ARMH1: variants seen among roughly 807,000 people sequenced by gnomAD.
The protein encoded by ARMH1 is armadillo like helical domain containing 1.
A neutral mutation model predicts 50.2 loss-of-function variants in ARMH1; 34 were observed. The ratio of observed to expected loss-of-function variants is 0.68; its 90% confidence interval spans 0.51 to 0.90. The LOEUF is 0.90. ARMH1 is among the 40% of genes least tolerant of loss of function. The pLI is 0.00. For missense variants in ARMH1, 538 were observed against 553.9 expected (o/e 0.97, Z 0.29); for synonymous variants, 221 against 224.2 (o/e 0.99, Z 0.13).
intron 1 of ARMH1, among the ~76,000 whole-genome samples, chr1:44,675,348 T>C (rs901400209): frequency 6.6e-6 from 1 of 152,130 alleles, no homozygotes; most frequent in Non-Finnish European, 1.5e-5. Flanking sequence ...GAAAGACTTT[T>C]AGAGATAGGG....
At chr1:44,691,395 C>T (rs796816920) in intron 2 of ARMH1, among the ~76,000 whole-genome samples, 25 of 152,156 alleles carry the variant, frequency 1.6e-4, no homozygotes, top group African/African-American at 6.0e-4. Context: ...CTAAGGTTAC[C>T]CATGTTTTTC....
At position 44,724,442 on chromosome 1, in the gene ARMH1, T is replaced by C. The variant is rs1334294667; in HGVS notation, c.920+50T>C. 3.3e-6 allele frequency: 5 copies of C among 1,536,674 alleles called. No individual in the cohort carries two copies. The highest frequency in any genetic ancestry group is 4.4e-6 in the Non-Finnish European group (5 of 1,142,082). On this transcript the variant is annotated intron_variant, in intron 8 of 11. Transcript: ENST00000535358. This position sits in a 1 kb window ranked among gnomAD's most constrained non-coding sequence, Gnocchi z 6.4. ...AGCTGCAGCAAGCCTGGCTTGGCGC[T>C]GCCGGCGGGCCCCGGGAGCGCTCCG...
intron 2 of ARMH1, among the ~76,000 whole-genome samples, chr1:44,692,218 G>A (rs1208224990): frequency 6.6e-6 from 1 of 152,096 alleles, no homozygotes; most frequent in Admixed American, 6.5e-5. Context: ...TCACACCGCT[G>A]TGTTCTATCC....
intron 4 of ARMH1, among the ~76,000 whole-genome samples, chr1:44,699,841 T>C (rs1645982274): frequency 6.7e-6 from 1 of 148,408 alleles, no homozygotes; most frequent in Non-Finnish European, 1.5e-5. Context: ...TATTTTTTTT[T>C]TTTTTTGAGT....
At chr1:44,692,253 T>G (rs567829256) in intron 2 of ARMH1, among the ~76,000 whole-genome samples, 46 of 152,222 alleles carry the variant, frequency 3.0e-4, no homozygotes, top group Admixed American at 7.2e-4. Flanking sequence ...AGACCTCATC[T>G]CTATAAAAAT....
In ARMH1 at chr1:44,698,178, G is replaced by A; in HGVS notation, c.391G>A (p.Val131Ile). The change falls in exon 4 of 12, where the codon GTT becomes ATT. Residue 131 changes from valine (V) to isoleucine (I), a missense_variant. Val to Ile is a conservative substitution (Grantham distance 29). Transcript: ENST00000535358. ...GAAGGAATCTGTCAAACTACTTCAG[G>A]TTATTGCGAACTCTGGCAGGACATA... ...AKKESVKLLQ[V>I]IANSGRTYKE... 6.4e-7 allele frequency: 1 copy of A among 1,552,264 alleles called. No homozygotes were observed. Among genetic ancestry groups the A allele is most frequent in the Middle Eastern group, 1.7e-4 (1 of 5,998 alleles).
rs1645301387 is a variant in ARMH1 at position 44,681,167 on chromosome 1, TGTATTTTTTA to T, written c.-23+6298_-23+6307del. On this transcript the variant is annotated intron_variant, in intron 1 of 11. Coordinates refer to ENST00000535358, the MANE Select transcript of ARMH1 (RefSeq NM_001145636.2). The surrounding 1 kb of genome is among the most constrained non-coding windows in gnomAD (Gnocchi z 4.3). ...CCACCACCATGCCCGGCTAACTTTT[TGTATTTTTTA>T]GTAGAGAGGGGGTTTCACCGTGTTA... Among the ~76,000 whole-genome samples, 1 of 152,072 alleles carries T rather than the reference TGTATTTTTTA, an allele frequency of 6.6e-6. No individual in the cohort carries two copies. The highest frequency in any genetic ancestry group is 2.4e-5 in the African/African-American group (1 of 41,406).
chr1:44,695,622 C>G (rs1490607945), intron 2 of ARMH1, among the ~76,000 whole-genome samples: 1 of 151,760 alleles, frequency 6.6e-6, no homozygotes, highest in African/African-American at 2.4e-5. Context: ...AAACTCCATT[C>G]TCCACAAAAA....
At chr1:44,692,464 G>A (rs1415179444) in intron 2 of ARMH1, among the ~76,000 whole-genome samples, 3 of 151,902 alleles carry the variant, frequency 2.0e-5, no homozygotes, top group African/African-American at 7.3e-5. Flanking sequence ...TCCCCCCACT[G>A]GATTTTAGAT....
rs375812356 is a variant in ARMH1, at chr1:44,721,452, A to C, written c.725-2670A>C. 6.6e-5 allele frequency among the ~76,000 whole-genome samples: 10 copies of C among 152,312 alleles called. No individual in the cohort carries two copies. The East Asian group carries it at 1.9e-3, about 29-fold the overall frequency. Reference sequence around the variant, plus strand: ...TATAAATTGGAACTAGCACACTAGAAAGACTCACAAGACTTCAGCCAAATT... The same window carrying C: ...TATAAATTGGAACTAGCACACTAGACAGACTCACAAGACTTCAGCCAAATT... On this transcript the variant is annotated intron_variant, in intron 6 of 11. Transcript: ENST00000535358.
chr1:44,678,197 C>T (rs1243967345), intron 1 of ARMH1, among the ~76,000 whole-genome samples: 1 of 151,998 alleles, frequency 6.6e-6, no homozygotes, highest in African/African-American at 2.4e-5. Context: ...GTTGACCTCG[C>T]CAGTTACATG....
chr1:44,688,588 A>G (rs1365825163), intron 1 of ARMH1, among the ~76,000 whole-genome samples: 2 of 152,212 alleles, frequency 1.3e-5, no homozygotes, highest in African/African-American at 4.8e-5. Flanking sequence ...CATATCAATC[A>G]TGGCCCCTGC....
intron 6 of ARMH1, among the ~76,000 whole-genome samples, chr1:44,704,920 T>C (rs1001887216): frequency 2.0e-5 from 3 of 151,292 alleles, no homozygotes; most frequent in African/African-American, 4.8e-5. Flanking sequence ...CTGCAAGCTC[T>C]GCCTCCCGGG....
chr1:44,725,352 T>G lies in ARMH1; in HGVS notation c.1272T>G (p.Ala424=), dbSNP rs1217156481. 1.3e-6 allele frequency: 2 copies of G among 1,551,498 alleles called. No homozygotes were observed. The highest frequency in any genetic ancestry group is 2.0e-5 in the Admixed American group (1 of 50,974). ...MNTLYGSRDS[A]QMAYLTHFEE... ...CTCTCTATGGCTCGCGCGATTCGGC[T>G]CAGATGGCCTACCTCACACACTTCG... is the stretch of plus-strand genomic sequence containing the variant. Residue 424 remains alanine, a synonymous_variant, in exon 12 of 12, where the codon GCT becomes GCG. Transcript: ENST00000535358.
Position 44,716,433 on chromosome 1 carries a change from C to T in ARMH1, c.725-7689C>T, listed in dbSNP as rs545068943. Reference sequence around the variant, plus strand: ...GGAGTGACCTCTCTATAGCTCTAGACCTGTGTGTCCATTTGCCTTCTGAAC... The same window carrying T: ...GGAGTGACCTCTCTATAGCTCTAGATCTGTGTGTCCATTTGCCTTCTGAAC... On this transcript the variant is annotated intron_variant, in intron 6 of 11. Transcript: ENST00000535358. Among the ~76,000 whole-genome samples, 6 of 152,258 alleles carry T rather than the reference C, an allele frequency of 3.9e-5. No homozygotes were observed. In the South Asian group the frequency reaches 1.2e-3, roughly 32 times the overall value.
intron 6 of ARMH1, among the ~76,000 whole-genome samples, chr1:44,704,750 G>A (rs549768126): frequency 3.9e-5 from 6 of 151,902 alleles, no homozygotes; most frequent in Admixed American, 2.0e-4. Context: ...GGCCTCAAGC[G>A]ATCCTCTCAC....
At chr1:44,680,641 G>A (rs187162164) in intron 1 of ARMH1, among the ~76,000 whole-genome samples, 1 of 152,298 alleles carries the variant, frequency 6.6e-6, no homozygotes, top group Admixed American at 6.5e-5. Flanking sequence ...TTGGGTTGGT[G>A]GGGATTGAGC....
chr1:44,722,967 C>A (rs1264546752), intron 6 of ARMH1, among the ~76,000 whole-genome samples: 1 of 150,332 alleles, frequency 6.7e-6, no homozygotes, highest in East Asian at 1.9e-4. Flanking sequence ...CCAGCCTACT[C>A]GGGAGGCTGA....
intron 6 of ARMH1, among the ~76,000 whole-genome samples, chr1:44,712,668 CTTT>C (rs1016685704): frequency 1.4e-5 from 2 of 138,992 alleles, no homozygotes. Context: ...CTTCTTTTTT[CTTT>C]TTTTTTTTTT....
Sources: gnomAD v4.1 joint callset for allele counts (sites outside exome capture counted in the v4.1 genomes callset) on GRCh38, gnomAD v4.1.1 for gene constraint, Gnocchi (gnomAD v3.1) non-coding constraint, MANE v1.5 for transcripts, NCBI Gene and HGNC (gene_info 2026-07-23, HGNC 2026-07-21) for gene names.